CCDC57: variants seen among roughly 807,000 people sequenced by gnomAD.
The protein encoded by CCDC57 is coiled-coil domain containing 57.
In CCDC57, 118 loss-of-function variants were observed where a neutral mutation model predicts 118.9. The ratio of observed to expected loss-of-function variants is 0.99; its 90% CI spans 0.86 to 1.16. The LOEUF is 1.16. Among genes scored for constraint, CCDC57 ranks in the 50% most tolerant of loss-of-function variants. CCDC57 has a pLI of 0.00. For synonymous variants in CCDC57, 527 were observed against 532.9 expected (o/e 0.99, Z 0.15); for missense variants, 1,300 against 1,320.7 (o/e 0.98, Z 0.24).
chr17:82,198,676 A>G (rs1164899185), intron 3 of CCDC57, among the ~76,000 whole-genome samples: 1 of 152,042 alleles, frequency 6.6e-6, no homozygotes, highest in African/African-American at 2.4e-5. Flanking sequence ...ACAATTAAAA[A>G]AAAAACCTGA....
At chr17:82,113,099 A>G in intron 19 of CCDC57, 1 of 446,032 alleles carries the variant, frequency 2.2e-6, no homozygotes, top group Non-Finnish European at 4.0e-6. Flanking sequence ...AGTGGCAGTC[A>G]TGGTTTCGTC....
chr17:82,151,090 T>C (rs866702471), intron 16 of CCDC57, among the ~76,000 whole-genome samples: 201 of 11,760 alleles, frequency 0.017, no homozygotes, highest in Non-Finnish European at 0.023. Flanking sequence ...CAGAACCTGG[T>C]GCACACCCAG....
chr17:82,127,150 A>G, intron 19 of CCDC57: 2 of 985,438 alleles, frequency 2.0e-6, no homozygotes, highest in South Asian at 4.7e-5. Flanking sequence ...TTAGGTGCAG[A>G]GAAGAGTCTC....
At chr17:82,107,932 G>A (rs967672874) in intron 19 of CCDC57, among the ~76,000 whole-genome samples, 13 of 152,160 alleles carry the variant, frequency 8.5e-5, no homozygotes, top group African/African-American at 3.1e-4. Context: ...CGGCACGGAC[G>A]AGGGGGCTTT....
intron 19 of CCDC57, among the ~76,000 whole-genome samples, chr17:82,109,493 A>G: frequency 6.6e-6 from 1 of 152,388 alleles, no homozygotes; most frequent in Non-Finnish European, 1.5e-5. Flanking sequence ...TCCAGTAGAC[A>G]ATAGTTCAAT....
intron 7 of CCDC57, among the ~76,000 whole-genome samples, chr17:82,189,720 GCA>G (rs2047414716): frequency 6.6e-6 from 1 of 152,172 alleles, no homozygotes; most frequent in African/African-American, 2.4e-5. Flanking sequence ...GGGCATGGTA[GCA>G]CATCCCTGTG....
chr17:82,188,113 T>C (rs1382667150), intron 8 of CCDC57, 106 bp downstream of exon 7: 2 of 925,412 alleles, frequency 2.2e-6, no homozygotes, highest in Non-Finnish European at 3.1e-6. Context: ...CCACTCTGTC[T>C]GCTGCCTGGC....
intron 16 of CCDC57, among the ~76,000 whole-genome samples, chr17:82,150,280 CGCACACCCAGAACCTGGT>C (rs2041754789): frequency 6.9e-6 from 1 of 144,068 alleles, no homozygotes; most frequent in Admixed American, 7.0e-5. Context: ...CAGAACCAGG[CGCACACCCAGAACCTGGT>C]GCACACCCAG....
chr17:82,102,607 G>A (rs927427393), intron 19 of CCDC57, among the ~76,000 whole-genome samples: 1 of 152,170 alleles, frequency 6.6e-6, no homozygotes, highest in Non-Finnish European at 1.5e-5. Flanking sequence ...CAAGGGCTGG[G>A]CTTGGTGGCT....
intron 17 of CCDC57, 126 bp downstream of exon 16, chr17:82,133,947 T>C: frequency 1.0e-6 from 1 of 964,634 alleles, no homozygotes; most frequent in Non-Finnish European, 1.4e-6. Flanking sequence ...CTAATAACTA[T>C]ATCTGGATCC....
chr17:82,211,196 G>A (rs150570512), intron 1 of CCDC57, among the ~76,000 whole-genome samples: 122 of 152,198 alleles, frequency 8.0e-4, no homozygotes, highest in African/African-American at 2.7e-3. Context: ...CCTGTGTCTC[G>A]TAAGACGCTG....
intron 19 of CCDC57, among the ~76,000 whole-genome samples, chr17:82,109,961 C>A (rs897052581): frequency 6.6e-6 from 1 of 150,894 alleles, no homozygotes; most frequent in Non-Finnish European, 1.5e-5. Context: ...AGGCAGAAAA[C>A]GTCATAAGAG....
At chr17:82,127,215 C>T in intron 19 of CCDC57, 82 of 985,456 alleles carry the variant, frequency 8.3e-5, no homozygotes, top group Non-Finnish European at 9.8e-5. Context: ...GCGGCTGACA[C>T]TTGTCTGGCC....
intron 2 of CCDC57, among the ~76,000 whole-genome samples, chr17:82,206,790 A>T (rs982687944): frequency 6.6e-6 from 1 of 152,214 alleles, no homozygotes; most frequent in Non-Finnish European, 1.5e-5. Context: ...GACTGGTGTC[A>T]GAAGCGGGCA....
chr17:82,123,777 A>C (rs2037050416), intron 19 of CCDC57, among the ~76,000 whole-genome samples: 1 of 152,136 alleles, frequency 6.6e-6, no homozygotes, highest in South Asian at 2.1e-4. Context: ...TTAAAGCAAA[A>C]TGAGTTGAGT....
At chr17:82,101,724 G>C in exon 20 of CCDC57, 1 of 1,607,458 alleles carries the variant, frequency 6.2e-7, no homozygotes, top group Non-Finnish European at 8.5e-7. Context: ...GGGGCCTCTG[G>C]CAGCCTTTAG....
chr17:82,128,379 A>AAGGC (rs2037796127), intron 18 of CCDC57, 114 bp downstream of exon 17: 1 of 691,330 alleles, frequency 1.4e-6, no homozygotes, highest in South Asian at 1.9e-5. Context: ...TGACGGCACA[A>AAGGC]AGGCAGGCAT....
intron 19 of CCDC57, among the ~76,000 whole-genome samples, chr17:82,119,974 T>C (rs7406220): frequency 0.54 from 81,340 of 151,792 alleles, 22,636 homozygotes; most frequent in Non-Finnish European, 0.58. Context: ...TGGGTCTGGA[T>C]AGGTTGGCAA....
At chr17:82,197,429 G>A (rs2048457588) in intron 4 of CCDC57, among the ~76,000 whole-genome samples, 1 of 152,246 alleles carries the variant, frequency 6.6e-6, no homozygotes, top group East Asian at 1.9e-4. Flanking sequence ...GTCTCTTGGA[G>A]GTGTAGGCTG....
Sources: gnomAD v4.1 joint callset for allele counts (sites outside exome capture counted in the v4.1 genomes callset) on GRCh38, gnomAD v4.1.1 for gene constraint, MANE v1.5 for transcripts, NCBI Gene and HGNC (gene_info 2026-07-23, HGNC 2026-07-21) for gene names.